The following ZNF790 variants were observed in gnomAD, a reference collection of about 807,000 sequenced individuals.
ZNF790 encodes the protein zinc finger protein 790.
Under a neutral mutation model 12.1 loss-of-function variants are expected in ZNF790, and 8 were observed. The ratio of observed to expected loss-of-function variants is 0.66; its 90% CI spans 0.39 to 1.19. The LOEUF (loss-of-function observed/expected upper bound fraction) is 1.19. Ranked by LOEUF, ZNF790 falls within the 50% of genes most tolerant of loss-of-function variation. The probability of loss-of-function intolerance (pLI) is 0.01; values close to 1 mark genes in which losing one functional copy is unlikely to be tolerated. For missense variants in ZNF790, 707 were observed against 752.2 expected, an observed-to-expected ratio of 0.94 and a Z score of 0.70; for synonymous variants, 252 against 244.3, an observed-to-expected ratio of 1.03 and a Z score of -0.29.
Position 36,819,184 on chromosome 19 carries a change from A to C in ZNF790, c.1160T>G (p.Val387Gly). The C allele has an allele frequency of 1.2e-6, 2 of 1,614,120 alleles. No homozygotes were observed. The highest frequency in any genetic ancestry group is 1.7e-6 in the Non-Finnish European group (2 of 1,180,000). Residue 387 changes from valine to glycine, a missense_variant, in exon 5 of 5, where the codon GTT becomes GGT. Val to Gly is a moderately radical substitution (Grantham distance 109, BLOSUM62 -3). Transcript: ENST00000356725. ...RGSNLAQHQN[V>G]HVGRKPYKCE... ...TTTATAAGGTTTCCTACCAACATGAACATTCTGATGTTGAGCAAGATTTGA... is the reference window on the plus strand; with the variant it reads ...TTTATAAGGTTTCCTACCAACATGACCATTCTGATGTTGAGCAAGATTTGA...
At chr19:36,840,893 T>C (rs2146090457), upstream of ZNF790, among the ~76,000 whole-genome samples, 2 of 152,174 alleles carry the variant, frequency 1.3e-5, 1 homozygote, top group South Asian at 4.2e-4. Flanking sequence ...TAGACTCAGG[T>C]AGGATCTCCC....
chr19:36,835,266 G>A (rs2072022491), intron 1 of ZNF790, among the ~76,000 whole-genome samples: 1 of 152,060 alleles, frequency 6.6e-6, no homozygotes, highest in Non-Finnish European at 1.5e-5. Flanking sequence ...GGGCGACAGA[G>A]GGAGACCCCG....
At chr19:36,845,043 G>A (rs1306270385) in intron 1 of ZNF790, among the ~76,000 whole-genome samples, 1 of 58,682 alleles carries the variant, frequency 1.7e-5, no homozygotes, top group Non-Finnish European at 2.8e-5. Context: ...GCGAGACTCC[G>A]TCTCAAAAAA....
chr19:36,819,442 T>C lies in ZNF790; in HGVS notation c.902A>G (p.Gln301Arg), dbSNP rs3745775. The stretch of plus-strand genomic sequence containing the variant: ...GGGTTTTTCACCAGTATGAATTCTC[T>C]GATGTCGAGTAAGATCTGAGCCACA... ...FSCGSDLTRHQRIHTGEKPYE... is the reference protein window; with the variant it reads ...FSCGSDLTRHRRIHTGEKPYE... The change falls in exon 5 of 5, where the codon CAG (glutamine) becomes CGG (arginine). Residue 301 changes from glutamine (Q) to arginine (R), a missense_variant. Physicochemically the swap from Gln to Arg is conservative, Grantham distance 43. Coordinates refer to ENST00000356725, the MANE Select transcript of ZNF790 (RefSeq NM_206894.4). The C allele has an allele frequency of 0.27, 438,841 of 1,609,672 alleles. 61,374 individuals are homozygous for C. The highest frequency in any genetic ancestry group is 0.37 in the Middle Eastern group (2,204 of 6,030).
At chr19:36,827,149 T>C (rs1385647321) in intron 1 of ZNF790, among the ~76,000 whole-genome samples, 15,031 of 55,688 alleles carry the variant, frequency 0.27, 1,166 homozygotes, top group Non-Finnish European at 0.29. Context: ...CACATATATA[T>C]ATATATATAT....
chr19:36,823,444 T>G, intron 3 of ZNF790, 64 bp from the exon 4 acceptor site: 1 of 1,493,302 alleles, frequency 6.7e-7, no homozygotes, highest in Non-Finnish European at 9.2e-7. Flanking sequence ...TGCAACTACT[T>G]CTTTGGTTAC....
chr19:36,826,335 C>T (rs2071797537), intron 1 of ZNF790, among the ~76,000 whole-genome samples: 1 of 151,940 alleles, frequency 6.6e-6, no homozygotes, highest in Admixed American at 6.6e-5. Context: ...CCTGTAATCC[C>T]AGCACTTTGG....
upstream of ZNF790, among the ~76,000 whole-genome samples, chr19:36,839,589 G>C (rs568679629): frequency 6.6e-6 from 1 of 151,932 alleles, no homozygotes; most frequent in South Asian, 2.1e-4. Context: ...ACAGGGTCTC[G>C]CCATGTTGGC....
intron 1 of ZNF790, among the ~76,000 whole-genome samples, chr19:36,845,205 C>T (rs915235746): frequency 6.6e-6 from 1 of 151,906 alleles, no homozygotes; most frequent in Admixed American, 6.6e-5. Context: ...TCATTTGCAT[C>T]TAGGAGTTCA....
At chr19:36,842,086 G>T (rs914261406), upstream of ZNF790, among the ~76,000 whole-genome samples, 1 of 152,258 alleles carries the variant, frequency 6.6e-6, no homozygotes, top group Admixed American at 6.5e-5. Context: ...TCTTAGACAT[G>T]ACAACAAAAG....
rs781217417 is a variant in ZNF790 at position 36,819,681 on chromosome 19, A to T, written c.663T>A (p.Thr221=). Residue 221 remains threonine (T), a synonymous_variant, in exon 5 of 5, where the codon ACT becomes ACA. Transcript: ENST00000356725. The part of the protein sequence containing the change: ...SEVIQYQTVH[T]VKKTYECKEC... ...CTTTACATTCATATGTTTTCTTAAC[A>T]GTGTGAACTGTCTGATATTGAATAA... 1 of 1,612,926 alleles carries T rather than the reference A, an allele frequency of 6.2e-7. No homozygotes were observed. Among genetic ancestry groups the T allele is most frequent in the South Asian group, 1.1e-5 (1 of 91,008 alleles).
chr19:36,843,502 T>G (rs2072148384), intron 1 of ZNF790, among the ~76,000 whole-genome samples: 1 of 152,020 alleles, frequency 6.6e-6, no homozygotes, highest in Non-Finnish European at 1.5e-5. Context: ...ACAATGAACC[T>G]CCACAACCGT....
At chr19:36,841,738 C>CT (rs1197517207), upstream of ZNF790, among the ~76,000 whole-genome samples, 3 of 150,174 alleles carry the variant, frequency 2.0e-5, no homozygotes, top group Non-Finnish European at 2.9e-5. Flanking sequence ...CAAAAATTAG[C>CT]TGGATGTGGT....
Position 36,835,738 on chromosome 19 carries a change from TTTC to T in ZNF790, c.-74+2596_-74+2598del, listed in dbSNP as rs888654123. Among the ~76,000 whole-genome samples the T allele has an allele frequency of 2.0e-5, 3 of 151,642 alleles. No individual in the cohort carries two copies. In the Admixed American group the frequency reaches 2.0e-4, roughly 10 times the overall value. ...CTGGAAGCTCCAGGGGAGAATTCGT[TTTC>T]TTATGTTTTCCAGCTTCTAGAGGCC... On this transcript the variant is annotated intron_variant, in intron 1 of 4. Transcript: ENST00000356725.
At chr19:36,832,143 G>C (rs1148401) in intron 1 of ZNF790, among the ~76,000 whole-genome samples, 51,807 of 152,040 alleles carry the variant, frequency 0.34, 9,659 homozygotes, top group African/African-American at 0.49. Context: ...GACATGCGCT[G>C]TTTCAGAAGA....
intron 1 of ZNF790, among the ~76,000 whole-genome samples, chr19:36,835,114 C>T (rs527424831): frequency 5.9e-4 from 89 of 152,042 alleles, no homozygotes; most frequent in Non-Finnish European, 1.1e-3. Context: ...GGTGAAACCA[C>T]GTGTCTACTA....
rs2072087208 is a variant in ZNF790 at position 36,838,126 on chromosome 19, ACATACAC to A, written c.-74+204_-74+210del. On this transcript the variant is annotated intron_variant, in intron 1 of 4. Transcript: ENST00000356725. The surrounding 1 kb of genome is among the most constrained non-coding windows in gnomAD (Gnocchi z 4.4). The stretch of plus-strand genomic sequence containing the variant: ...TGCGCGCACACACACACACACACAC[ACATACAC>A]ACACACACACACAAGCTCCCGTCGC... The A allele has an allele frequency of 2.7e-5, 2 of 73,282 alleles. No individual in the cohort carries two copies. Among genetic ancestry groups the A allele is most frequent in the African/African-American group, 1.4e-4 (2 of 14,572 alleles). The allele number at this position is 73,282 out of a possible 1,614,324, so 4.5% of individuals were successfully genotyped here.
Position 36,819,428 on chromosome 19 carries a change from C to T in ZNF790, c.916G>A (p.Gly306Ser), listed in dbSNP as rs776372362. The T allele has an allele frequency of 1.2e-6, 2 of 1,610,302 alleles. No homozygotes were observed. The highest frequency in any genetic ancestry group is 3.4e-5 in the Admixed American group (2 of 59,464). Residue 306 changes from glycine (G) to serine (S), a missense_variant, in exon 5 of 5, where the codon GGT (glycine) becomes AGT (serine). Physicochemically the swap from Gly to Ser is moderately conservative, Grantham distance 56 (BLOSUM62 0). Coordinates refer to ENST00000356725, the MANE Select transcript of ZNF790 (RefSeq NM_206894.4). ...DLTRHQRIHTGEKPYECNECR... is the reference protein window; with the variant it reads ...DLTRHQRIHTSEKPYECNECR... ...TCATTACATTCATAGGGTTTTTCAC[C>T]AGTATGAATTCTCTGATGTCGAGTA...
rs1484019579 is a variant in ZNF790, at chr19:36,838,183, ACT to A, written c.-74+152_-74+153del. 1 of 151,948 alleles carries A rather than the reference ACT, an allele frequency of 6.6e-6. No individual in the cohort carries two copies. Among genetic ancestry groups the A allele is most frequent in the East Asian group, 1.9e-4 (1 of 5,168 alleles). The allele number at this position is 151,948 out of a possible 1,614,324, so 9.4% of individuals were successfully genotyped here. On this transcript the variant is annotated intron_variant, in intron 1 of 4. Coordinates refer to ENST00000356725, the MANE Select transcript of ZNF790 (RefSeq NM_206894.4). This position sits in a 1 kb window ranked among gnomAD's most constrained non-coding sequence, Gnocchi z 4.4. ...CGGCCCCAGCTCCTGCATCAATTTC[ACT>A]CTCGCATCCACTGCTCCCATCGCGA... is the stretch of plus-strand genomic sequence containing the variant.
Sources: gnomAD v4.1 joint callset for allele counts (sites outside exome capture counted in the v4.1 genomes callset) on GRCh38, gnomAD v4.1.1 for gene constraint, Gnocchi (gnomAD v3.1) non-coding constraint, MANE v1.5 for transcripts, NCBI Gene and HGNC (gene_info 2026-07-23, HGNC 2026-07-21) for gene names.